GRIN2A: variants seen among roughly 807,000 people sequenced by gnomAD.
The protein encoded by GRIN2A is glutamate ionotropic receptor NMDA type subunit 2A.
In GRIN2A, 22 loss-of-function variants were observed where a neutral mutation model predicts 113.4. The observed-to-expected ratio is 0.19, with a 90% CI of 0.14 to 0.28. The LOEUF (loss-of-function observed/expected upper bound fraction) is 0.28. GRIN2A is among the 10% of genes least tolerant of loss of function. The pLI, the probability that GRIN2A is intolerant of heterozygous loss-of-function variation, is 1.00. For synonymous variants in GRIN2A, 827 were observed against 738.4 expected, an observed-to-expected ratio of 1.12 and a Z score of -1.94; for missense variants, 1,502 against 1,887.0, an observed-to-expected ratio of 0.80 and a Z score of 3.78.
chr16:10,089,255 A>G (rs2048140862), intron 2 of GRIN2A, among the ~76,000 whole-genome samples: 2 of 152,216 alleles, frequency 1.3e-5, no homozygotes, highest in African/African-American at 4.8e-5. Flanking sequence ...AGAAATATAC[A>G]TTAATCACAT....
intron 2 of GRIN2A, among the ~76,000 whole-genome samples, chr16:10,073,503 A>G (rs1439051990): frequency 6.6e-6 from 1 of 152,164 alleles, no homozygotes; most frequent in Non-Finnish European, 1.5e-5. Context: ...CTGACAAAGC[A>G]AAGTGGGCTA....
chr16:10,139,196 G>A (rs1450378068), intron 2 of GRIN2A, among the ~76,000 whole-genome samples: 1 of 152,136 alleles, frequency 6.6e-6, no homozygotes, highest in East Asian at 1.9e-4. Flanking sequence ...GAAGCTTGGG[G>A]GTCAAGTCTG....
chr16:9,808,757 A>T (rs1426515542), intron 10 of GRIN2A, among the ~76,000 whole-genome samples: 1 of 152,140 alleles, frequency 6.6e-6, no homozygotes, highest in Non-Finnish European at 1.5e-5. Flanking sequence ...AAATAAATTG[A>T]CTACGTAAGT....
intron 4 of GRIN2A, among the ~76,000 whole-genome samples, chr16:9,862,195 T>C (rs1596510545): frequency 1.3e-5 from 2 of 152,236 alleles, no homozygotes; most frequent in Non-Finnish European, 2.9e-5. Flanking sequence ...GGGTTACTTA[T>C]GTAACCACTG....
chr16:10,049,761 T>G (rs1007696984), intron 2 of GRIN2A, among the ~76,000 whole-genome samples: 1 of 152,220 alleles, frequency 6.6e-6, no homozygotes, highest in Admixed American at 6.5e-5. Context: ...CATTATATAA[T>G]GAATTGTTTG....
chr16:9,854,519 C>T (rs2042936404), intron 4 of GRIN2A, among the ~76,000 whole-genome samples: 1 of 152,092 alleles, frequency 6.6e-6, no homozygotes, highest in Non-Finnish European at 1.5e-5. Context: ...AGTATGTATG[C>T]TCCAAATGCC....
intron 2 of GRIN2A, among the ~76,000 whole-genome samples, chr16:10,031,137 C>T (rs2046921208): frequency 6.6e-6 from 1 of 152,086 alleles, no homozygotes; most frequent in African/African-American, 2.4e-5. Flanking sequence ...CTTCCAATGG[C>T]CTCTTCTCAC....
At chr16:10,127,804 A>G (rs2048974653) in intron 2 of GRIN2A, among the ~76,000 whole-genome samples, 1 of 152,300 alleles carries the variant, frequency 6.6e-6, no homozygotes, top group East Asian at 1.9e-4. Flanking sequence ...GAGCTCTTCC[A>G]TAGTAAAGAA....
chr16:10,029,194 C>CA (rs1555467462), intron 2 of GRIN2A, among the ~76,000 whole-genome samples: 1 of 147,538 alleles, frequency 6.8e-6, no homozygotes, highest in Non-Finnish European at 1.5e-5. Flanking sequence ...ATTGCACACA[C>CA]TTTTTTTTTT....
At chr16:10,045,056 A>C (rs1198393040) in intron 2 of GRIN2A, among the ~76,000 whole-genome samples, 2 of 152,224 alleles carry the variant, frequency 1.3e-5, no homozygotes, top group Non-Finnish European at 2.9e-5. Context: ...GTGCCTGTTC[A>C]AAATATTCTT....
At chr16:10,075,695 T>A (rs935806614) in intron 2 of GRIN2A, among the ~76,000 whole-genome samples, 5 of 152,082 alleles carry the variant, frequency 3.3e-5, no homozygotes, top group Non-Finnish European at 5.9e-5. Flanking sequence ...CATATCAAAG[T>A]CTTAAAAATA....
At chr16:9,946,564 CTGTTCTTCCTTTACTGGTAATAG>C (rs1337777736) in intron 2 of GRIN2A, among the ~76,000 whole-genome samples, 1 of 152,168 alleles carries the variant, frequency 6.6e-6, no homozygotes, top group Non-Finnish European at 1.5e-5. Flanking sequence ...CACTGAGCAT[CTGTTCTTCCTTTACTGGTAATAG>C]TGAATTCCCC....
At chr16:9,998,545 C>T (rs906154509) in intron 2 of GRIN2A, among the ~76,000 whole-genome samples, 1 of 152,136 alleles carries the variant, frequency 6.6e-6, no homozygotes, top group Non-Finnish European at 1.5e-5. Context: ...AAATAGTAAA[C>T]TCTATGTTAT....
intron 2 of GRIN2A, among the ~76,000 whole-genome samples, chr16:10,148,554 G>A (rs114412898): frequency 1.1e-3 from 174 of 152,296 alleles, no homozygotes; most frequent in African/African-American, 4.1e-3. Flanking sequence ...CCACTTGAAT[G>A]TGAAATGATT....
At chr16:10,131,442 C>T (rs891908871) in intron 2 of GRIN2A, among the ~76,000 whole-genome samples, 5 of 151,492 alleles carry the variant, frequency 3.3e-5, no homozygotes, top group Middle Eastern at 3.5e-3. Flanking sequence ...CAAGGCCTGC[C>T]GCTCCAGTCT....
At chr16:9,957,700 G>A (rs148356536) in intron 2 of GRIN2A, among the ~76,000 whole-genome samples, 1 of 152,120 alleles carries the variant, frequency 6.6e-6, no homozygotes, top group Non-Finnish European at 1.5e-5. Context: ...ACGTCAAAAT[G>A]GGGCTATCTC....
chr16:9,934,336 G>A (rs1269994220), intron 3 of GRIN2A, among the ~76,000 whole-genome samples: 1 of 152,120 alleles, frequency 6.6e-6, no homozygotes, highest in Non-Finnish European at 1.5e-5. Flanking sequence ...ATGTATCCCA[G>A]GGGCTAGCAC....
intron 2 of GRIN2A, among the ~76,000 whole-genome samples, chr16:10,026,942 C>T (rs1231029351): frequency 6.6e-6 from 1 of 152,192 alleles, no homozygotes; most frequent in Non-Finnish European, 1.5e-5. Flanking sequence ...CAAGTGGACC[C>T]TCCCGTGAAG....
intron 2 of GRIN2A, among the ~76,000 whole-genome samples, chr16:10,069,219 G>A (rs2047706439): frequency 6.6e-6 from 1 of 152,186 alleles, no homozygotes; most frequent in Non-Finnish European, 1.5e-5. Context: ...GCTCCAGATG[G>A]TGATGATGGT....
Sources: allele counts gnomAD v4.1 joint callset (sites outside exome capture counted in the v4.1 genomes callset), GRCh38; gene constraint gnomAD v4.1.1; transcripts MANE v1.5; gene names NCBI Gene and HGNC (gene_info 2026-07-23, HGNC 2026-07-21).